Variants in MED16 observed in about 807,000 individuals in gnomAD.
The protein encoded by MED16 is mediator of RNA polymerase II transcription subunit 16.
Under a neutral mutation model 84.4 loss-of-function variants are expected in MED16, and 81 were observed. The observed-to-expected ratio is 0.96, with a 90% CI of 0.80 to 1.15. The LOEUF (loss-of-function observed/expected upper bound fraction) is 1.15. Ranked by LOEUF, MED16 falls within the 50% of genes most tolerant of loss-of-function variation. The pLI is 0.00. For missense variants in MED16, 1,585 were observed against 1,245.9 expected, an observed-to-expected ratio of 1.27 and a Z score of -4.10; for synonymous variants, 897 against 552.2, an observed-to-expected ratio of 1.62 and a Z score of -8.76.
intron 8 of MED16, 111 bp from the exon 9 acceptor site, chr19:877,291 CGCCCGTGTGTGGGCCTGTGTGCGCGCAT>C (rs2036272211): frequency 1.2e-5 from 12 of 1,007,594 alleles, no homozygotes; most frequent in Non-Finnish European, 1.7e-5. Context: ...TGTGCGCGCA[CGCCCGTGTGTGGGCCTGTGTGCGCGCAT>C]GTGTCTGTAG....
At position 871,070 on chromosome 19, in the gene MED16, C is replaced by G. The variant is rs1415598937; in HGVS notation, c.2282G>C (p.Ser761Thr). Residue 761 changes from serine to threonine, a missense_variant, in exon 13 of 16, where the codon AGT (serine) becomes ACT (threonine). Coordinates refer to ENST00000325464, the MANE Select transcript of MED16 (RefSeq NM_005481.3). ...QFGRAPTLPG[S>T]AATLQLDGLA... ...GCCGTCGAGCTGCAGGGTGGCAGCA[C>G]TGCCAGGCAGCGTGGGCGCCCGGCC... 8.4e-6 allele frequency: 13 copies of G among 1,546,516 alleles called. No individual in the cohort carries two copies. Among genetic ancestry groups the G allele is most frequent in the South Asian group, 1.2e-5 (1 of 83,934 alleles).
chr19:871,323 G>A lies in MED16; in HGVS notation c.2099-70C>T, dbSNP rs1340245220. 14 of 1,448,336 alleles carry A rather than the reference G, an allele frequency of 9.7e-6. No homozygotes were observed. The Admixed American group carries it at 1.0e-4, about 11-fold the overall frequency. The allele number at this position is 1,448,336 out of a possible 1,614,324, so 89.7% of individuals were successfully genotyped here. ...ACCGCCCGGCCACCCGGGACGTGCT[G>A]GGAGCCCCTCCAGTTCAGGAGCACC... On this transcript the variant is annotated intron_variant, in intron 12 of 15. Transcript: ENST00000325464.
intron 12 of MED16, 97 bp from the exon 13 acceptor site, chr19:871,350 G>T: frequency 7.2e-7 from 1 of 1,381,052 alleles, no homozygotes. Flanking sequence ...AGGAGCACCA[G>T]GTCAGGGCCC....
rs774574651 is a variant in MED16 at position 868,179 on chromosome 19, C to A, written c.2556G>T (p.Gln852His). 9.9e-6 allele frequency: 16 copies of A among 1,609,808 alleles called. No homozygotes were observed. The Admixed American group carries it at 2.2e-4, about 22-fold the overall frequency. The change falls in exon 16 of 16, where the codon CAG (glutamine) becomes CAT (histidine). Residue 852 changes from glutamine to histidine, a missense_variant. Gln to His is a conservative substitution (Grantham distance 24, BLOSUM62 0). Coordinates refer to ENST00000325464, the MANE Select transcript of MED16 (RefSeq NM_005481.3). ...RASEEAPAFV[Q>H]LGPQSTHHSP... ...AGTGGTGTGTGGACTGCGGGCCCAG[C>A]TGGACAAAGGCAGGGGCTTCCTCAG...
intron 6 of MED16, among the ~76,000 whole-genome samples, chr19:882,120 G>A (rs934187189): frequency 1.3e-5 from 2 of 152,226 alleles, no homozygotes; most frequent in Non-Finnish European, 2.9e-5. Context: ...CGGGATGGTC[G>A]CACCCACAGA....
intron 2 of MED16, 102 bp downstream of exon 2, chr19:890,861 G>T: frequency 7.9e-7 from 1 of 1,273,382 alleles, no homozygotes; most frequent in Non-Finnish European, 1.1e-6. Context: ...GTGAGAGGTG[G>T]CCTGAGAGAC....
intron 6 of MED16, among the ~76,000 whole-genome samples, chr19:882,898 G>A (rs1280455678): frequency 1.3e-5 from 2 of 152,204 alleles, no homozygotes; most frequent in South Asian, 2.1e-4. Context: ...CCTGTGAGCA[G>A]CATTCCCTGG....
At chr19:869,033 A>C in intron 13 of MED16, 87 bp from the exon 14 acceptor site, 1 of 1,217,388 alleles carries the variant, frequency 8.2e-7, no homozygotes, top group East Asian at 2.7e-5. Flanking sequence ...GCGGGGGTGG[A>C]GGGAATGGCC....
chr19:871,004 T>C, intron 13 of MED16, 33 bp downstream of exon 13: 3 of 1,516,974 alleles, frequency 2.0e-6, no homozygotes, highest in Non-Finnish European at 2.7e-6. Context: ...GAAGGAGTCC[T>C]GTGTTTGGGG....
At chr19:869,188 G>A (rs935793470) in intron 13 of MED16, among the ~76,000 whole-genome samples, 3 of 152,126 alleles carry the variant, frequency 2.0e-5, no homozygotes, top group South Asian at 2.1e-4. Flanking sequence ...GGGAGCTTGA[G>A]GCTTAGAGAC....
At chr19:879,071 GCCC>G (rs776734241) in intron 8 of MED16, among the ~76,000 whole-genome samples, 1 of 84,660 alleles carries the variant, frequency 1.2e-5, no homozygotes, top group African/African-American at 4.7e-5. Flanking sequence ...ACCAGCCCCA[GCCC>G]CAGCCCCACG....
At chr19:876,270 G>C (rs2036226897) in intron 9 of MED16, among the ~76,000 whole-genome samples, 1 of 152,102 alleles carries the variant, frequency 6.6e-6, no homozygotes, top group African/African-American at 2.4e-5. Flanking sequence ...GGACACTCTG[G>C]GATTGCAGGC....
intron 9 of MED16, among the ~76,000 whole-genome samples, chr19:875,693 T>C (rs1175331121): frequency 1.3e-5 from 2 of 152,092 alleles, no homozygotes; most frequent in Non-Finnish European, 2.9e-5. Context: ...CCCCTGGTGA[T>C]GTCTGGAGAT....
intron 4 of MED16, among the ~76,000 whole-genome samples, chr19:887,083 A>T (rs904960763): frequency 1.3e-5 from 2 of 150,996 alleles, no homozygotes; most frequent in Non-Finnish European, 2.9e-5. Context: ...TTGTCTCAAA[A>T]ACAAAAAAAA....
At chr19:869,046 C>A in intron 13 of MED16, 100 bp from the exon 14 acceptor site, 16 of 1,044,896 alleles carry the variant, frequency 1.5e-5, no homozygotes, top group Non-Finnish European at 2.2e-5. Context: ...GAATGGCCGG[C>A]CTCACACCAT....
chr19:869,343 C>T lies in MED16; in HGVS notation c.2316-397G>A, dbSNP rs572866974. On this transcript the variant is annotated intron_variant, in intron 13 of 15. Coordinates refer to ENST00000325464, the MANE Select transcript of MED16 (RefSeq NM_005481.3). ...CATGGGGACTTCCACACCACCTCTG[C>T]CCAGACACCCGGCCTGGAGGTGCCG... Among the ~76,000 whole-genome samples the T allele has an allele frequency of 7.9e-5, 12 of 152,048 alleles. No individual in the cohort carries two copies. In the South Asian group the frequency reaches 2.5e-3, roughly 32 times the overall value.
intron 11 of MED16, among the ~76,000 whole-genome samples, chr19:872,633 G>C (rs1239450024): frequency 6.7e-6 from 1 of 150,172 alleles, no homozygotes; most frequent in Non-Finnish European, 1.5e-5. Context: ...CACAGCTGGG[G>C]CAGGACAGAG....
chr19:882,658 G>C (rs756795318), intron 6 of MED16, among the ~76,000 whole-genome samples: 1 of 152,228 alleles, frequency 6.6e-6, no homozygotes, highest in Non-Finnish European at 1.5e-5. Context: ...ACGCCACCTC[G>C]GCTGCTAACC....
At chr19:881,478 C>G in intron 7 of MED16, 81 bp downstream of exon 7, 1 of 1,493,162 alleles carries the variant, frequency 6.7e-7, no homozygotes, top group Non-Finnish European at 9.0e-7. Flanking sequence ...TGAGCTCCCA[C>G]GACCCCGTGG....
Sources: gnomAD v4.1 joint callset for allele counts (sites outside exome capture counted in the v4.1 genomes callset) on GRCh38, gnomAD v4.1.1 for gene constraint, MANE v1.5 for transcripts, NCBI Gene and HGNC (gene_info 2026-07-23, HGNC 2026-07-21) for gene names.